Variants in MRPL48 observed in about 807,000 individuals in gnomAD.
The protein encoded by MRPL48 is mitochondrial ribosomal protein L48.
A neutral mutation model predicts 32.9 loss-of-function variants in MRPL48; 16 were observed. That is an observed-to-expected ratio of 0.49 (90% CI 0.33 to 0.74). The LOEUF is 0.74. Ranked by LOEUF, MRPL48 falls within the 30% of genes least tolerant of loss-of-function variation. MRPL48 has a pLI of 0.02. For synonymous variants in MRPL48, 94 were observed against 89.2 expected (o/e 1.05, Z -0.31); for missense variants, 206 against 245.3 (o/e 0.84, Z 1.07).
At chr11:73,803,920 ATATTT>A (rs1436860762) in intron 1 of MRPL48, among the ~76,000 whole-genome samples, 5 of 151,820 alleles carry the variant, frequency 3.3e-5, no homozygotes, top group Non-Finnish European at 7.4e-5. Context: ...TTTTATTTTT[ATATTT>A]TAATTTTTTT....
chr11:73,864,269 C>T (rs759682470), intron 7 of MRPL48, 27 bp from the exon 8 acceptor site: 24 of 1,604,900 alleles, frequency 1.5e-5, no homozygotes, highest in Admixed American at 1.4e-4. Flanking sequence ...CAGTAATTAC[C>T]GCTTATTTTC....
chr11:73,839,833 C>T (rs1948159312), intron 4 of MRPL48, among the ~76,000 whole-genome samples: 1 of 152,094 alleles, frequency 6.6e-6, no homozygotes, highest in Non-Finnish European at 1.5e-5. Flanking sequence ...TGTGGTAACT[C>T]ACTTCTATAA....
intron 3 of MRPL48, among the ~76,000 whole-genome samples, chr11:73,815,487 GATCTGGGATTT>G (rs1354104039): frequency 6.6e-6 from 1 of 151,800 alleles, no homozygotes; most frequent in Non-Finnish European, 1.5e-5. Context: ...TTCCTGTGTA[GATCTGGGATTT>G]TTAAGTTTTT....
chr11:73,811,457 ATTGT>A (rs367564823), intron 3 of MRPL48, among the ~76,000 whole-genome samples: 47 of 152,314 alleles, frequency 3.1e-4, no homozygotes, highest in African/African-American at 1.1e-3. Context: ...TTTTTTAAAA[ATTGT>A]TTATCTCTTA....
intron 4 of MRPL48, among the ~76,000 whole-genome samples, chr11:73,834,291 A>G (rs1948048642): frequency 1.3e-5 from 2 of 152,332 alleles, no homozygotes; most frequent in South Asian, 4.1e-4. Flanking sequence ...CCAGGGGCTT[A>G]AGTAAAATAG....
Position 73,844,963 on chromosome 11 carries a change from A to T in MRPL48, c.358A>T (p.Lys120Ter). 1 of 1,607,942 alleles carries T rather than the reference A, an allele frequency of 6.2e-7. No individual in the cohort carries two copies. Among genetic ancestry groups the T allele is most frequent in the Non-Finnish European group, 8.5e-7 (1 of 1,175,746 alleles). The change falls in exon 5 of 8, where the codon AAA becomes TAA. Residue 120 changes from lysine (K) to a stop codon, truncating the protein, a stop_gained. Coordinates refer to ENST00000310614, the MANE Select transcript of MRPL48 (RefSeq NM_016055.6). LOFTEE classifies it high-confidence loss of function. ...CAACCTCTGCAACTCTCTCTCCATT[A>T]AAGTCGAGGAAAGGTATGAAGGATG... ...VHNLCNSLSI[K>*]VEESYAMPTK...
chr11:73,816,348 C>G (rs111876866), intron 3 of MRPL48, among the ~76,000 whole-genome samples: 1 of 124,758 alleles, frequency 8.0e-6, no homozygotes, highest in African/African-American at 3.0e-5. Context: ...GCGTGAGCCA[C>G]CGTGCCCGGC....
In MRPL48 at chr11:73,863,373, A is replaced by G. The variant is rs1948617327; in HGVS notation, c.564+112A>G. On this transcript the variant is annotated intron_variant, in intron 7 of 7. Coordinates refer to ENST00000310614, the MANE Select transcript of MRPL48 (RefSeq NM_016055.6). ...AGAACAGAGAAATGTGGATAATGTGACCTAAATAATAATCAGAAAAGTTGT... is the reference window on the plus strand; with the variant it reads ...AGAACAGAGAAATGTGGATAATGTGGCCTAAATAATAATCAGAAAAGTTGT... 8.9e-6 allele frequency: 8 copies of G among 898,434 alleles called. No homozygotes were observed. The South Asian group carries it at 1.4e-4, about 15-fold the overall frequency. The allele number at this position is 898,434 out of a possible 1,614,324, so 55.7% of individuals were successfully genotyped here.
intron 1 of MRPL48, among the ~76,000 whole-genome samples, chr11:73,800,189 G>C (rs1298730435): frequency 2.0e-5 from 3 of 151,896 alleles, no homozygotes; most frequent in Non-Finnish European, 4.4e-5. Flanking sequence ...CAGGAAGATT[G>C]CTTGAGGCCA....
chr11:73,825,695 TTC>T lies in MRPL48; in HGVS notation c.113-7_113-6del, dbSNP rs1947875039. ...AACAAAAAAACAGGTTTGTCTTATT[TTC>T]TCTCTTTTAGGTGGAATTCTACTAA... On this transcript the variant is annotated splice_polypyrimidine_tract_variant and intron_variant, in intron 3 of 7. Coordinates refer to ENST00000310614, the MANE Select transcript of MRPL48 (RefSeq NM_016055.6). 3 of 1,549,712 alleles carry T rather than the reference TTC, an allele frequency of 1.9e-6. No homozygotes were observed. The highest frequency in any genetic ancestry group is 2.6e-6 in the Non-Finnish European group (3 of 1,145,718).
At chr11:73,789,473 C>T (rs1206331342) in intron 1 of MRPL48, 1 of 152,156 alleles carries the variant, frequency 6.6e-6, no homozygotes, top group East Asian at 1.9e-4. Context: ...CAGCTAACCT[C>T]GTCATTATTT....
intron 1 of MRPL48, among the ~76,000 whole-genome samples, chr11:73,796,206 C>G (rs11235908): frequency 6.6e-6 from 1 of 152,138 alleles, no homozygotes; most frequent in Non-Finnish European, 1.5e-5. Context: ...TCCGCTCTTC[C>G]GAGTGCAGTT....
intron 3 of MRPL48, 118 bp downstream of exon 3, chr11:73,808,468 C>A: frequency 1.0e-6 from 1 of 966,430 alleles, no homozygotes; most frequent in Non-Finnish European, 1.6e-6. Context: ...TGAACCAAAC[C>A]CCACCCCTCC....
chr11:73,856,432 T>G (rs1211067601), intron 5 of MRPL48, among the ~76,000 whole-genome samples: 1 of 152,204 alleles, frequency 6.6e-6, no homozygotes, highest in Non-Finnish European at 1.5e-5. Flanking sequence ...TGGTTTGCAC[T>G]GCTGCAGCTA....
At chr11:73,788,187 C>G (rs1358885375) in intron 1 of MRPL48, among the ~76,000 whole-genome samples, 195 bp downstream of exon 1, 4 of 152,030 alleles carry the variant, frequency 2.6e-5, no homozygotes. Flanking sequence ...CCTTTCCACC[C>G]GGGGCGAACT....
At chr11:73,831,160 A>C (rs1219671245) in intron 4 of MRPL48, among the ~76,000 whole-genome samples, 3 of 151,836 alleles carry the variant, frequency 2.0e-5, no homozygotes, top group Non-Finnish European at 4.4e-5. Flanking sequence ...TTTTTCTTAC[A>C]TGGCCCGGTT....
Position 73,863,266 on chromosome 11 carries a change from G to A in MRPL48, c.564+5G>A. On this transcript the variant is annotated splice_donor_5th_base_variant and intron_variant, in intron 7 of 7. Coordinates refer to ENST00000310614, the MANE Select transcript of MRPL48 (RefSeq NM_016055.6). ...GTCAGACTGTCAGTGAAGGAGGTAGGTGCTGGTTTGAGAAGAGGCCCCTGC... is the reference window on the plus strand; with the variant it reads ...GTCAGACTGTCAGTGAAGGAGGTAGATGCTGGTTTGAGAAGAGGCCCCTGC... 6.4e-7 allele frequency: 1 copy of A among 1,558,334 alleles called. No individual in the cohort carries two copies. Among genetic ancestry groups the A allele is most frequent in the Non-Finnish European group, 8.7e-7 (1 of 1,150,472 alleles).
intron 5 of MRPL48, among the ~76,000 whole-genome samples, chr11:73,847,634 C>T (rs556398451): frequency 2.0e-5 from 3 of 152,166 alleles, no homozygotes; most frequent in Admixed American, 6.6e-5. Context: ...TTAGTAGAGA[C>T]GGGGTTTCAC....
At chr11:73,815,322 G>C (rs754142950) in intron 3 of MRPL48, among the ~76,000 whole-genome samples, 14 of 152,024 alleles carry the variant, frequency 9.2e-5, no homozygotes, top group Non-Finnish European at 1.5e-5. Context: ...GCTGAGGCAG[G>C]AGAATAGCTT....
Sources: allele counts gnomAD v4.1 joint callset (sites outside exome capture counted in the v4.1 genomes callset), GRCh38; gene constraint gnomAD v4.1.1; transcripts MANE v1.5; gene names NCBI Gene and HGNC (gene_info 2026-07-23, HGNC 2026-07-21).